The following CKMT2 variants were observed in gnomAD, a reference collection of about 807,000 sequenced individuals.
CKMT2 encodes creatine kinase, mitochondrial 2.
In CKMT2, 43 loss-of-function variants were observed where a neutral mutation model predicts 48.9. That is an observed-to-expected ratio of 0.88 (90% CI 0.69 to 1.13). CKMT2 has a LOEUF of 1.13. CKMT2 is among the 50% of genes most tolerant of loss of function. CKMT2 has a pLI of 0.00. For synonymous variants in CKMT2, 206 were observed against 213.0 expected, an observed-to-expected ratio of 0.97 and a Z score of 0.29; for missense variants, 472 against 555.4, an observed-to-expected ratio of 0.85 and a Z score of 1.51.
Position 81,257,694 on chromosome 5 carries a change from T to A in CKMT2, c.756-39T>A, listed in dbSNP as rs765452194. The A allele has an allele frequency of 2.5e-6, 4 of 1,575,266 alleles. No individual in the cohort carries two copies. The African/African-American group carries it at 4.1e-5, about 16-fold the overall frequency. ...GGGAATTTTCATGTGTTGAAACAAA[T>A]GCAATTAACACTCAGTACCATATTT... On this transcript the variant is annotated intron_variant, in intron 6 of 9. Transcript: ENST00000254035.
intron 1 of CKMT2, among the ~76,000 whole-genome samples, chr5:81,247,180 C>T (rs1281916743): frequency 1.3e-5 from 2 of 152,070 alleles, no homozygotes; most frequent in South Asian, 2.1e-4. Context: ...CAGTTCAGTA[C>T]GTTATGATAA....
At chr5:81,262,238 C>A (rs537581139) in intron 8 of CKMT2, among the ~76,000 whole-genome samples, 1 of 151,910 alleles carries the variant, frequency 6.6e-6, no homozygotes, top group Non-Finnish European at 1.5e-5. Context: ...CCATAAAAAC[C>A]CTAGAAGAAA....
intron 1 of CKMT2, among the ~76,000 whole-genome samples, chr5:81,234,998 C>T (rs2897390): frequency 0.17 from 25,853 of 152,080 alleles, 2,485 homozygotes; most frequent in Admixed American, 0.26. Context: ...CTAACCCTTG[C>T]CAGGAAGCCT....
At chr5:81,246,182 C>T (rs930189233) in intron 1 of CKMT2, among the ~76,000 whole-genome samples, 2 of 151,228 alleles carry the variant, frequency 1.3e-5, no homozygotes, top group African/African-American at 2.4e-5. Context: ...GAGCTCAGCA[C>T]GTCTCCTGCT....
intron 2 of CKMT2, 27 bp downstream of exon 2, chr5:81,251,311 C>G (rs1580445289): frequency 6.2e-7 from 1 of 1,611,616 alleles, no homozygotes; most frequent in East Asian, 2.2e-5. Context: ...TTAAAATAAC[C>G]TCAGGCCAGG....
At chr5:81,263,089 A>G (rs1757277077) in intron 8 of CKMT2, among the ~76,000 whole-genome samples, 2 of 148,726 alleles carry the variant, frequency 1.3e-5, no homozygotes, top group African/African-American at 4.9e-5. Flanking sequence ...AAAACCAAAC[A>G]CTGTATGTTC....
intron 6 of CKMT2, 116 bp from the exon 7 acceptor site, chr5:81,257,617 C>A: frequency 2.4e-6 from 2 of 819,226 alleles, no homozygotes; most frequent in Non-Finnish European, 3.7e-6. Flanking sequence ...GAGATTAGGG[C>A]CATCTAGGAA....
At chr5:81,240,506 T>G (rs1431820119) in intron 1 of CKMT2, among the ~76,000 whole-genome samples, 3 of 152,192 alleles carry the variant, frequency 2.0e-5, no homozygotes, top group South Asian at 2.1e-4. Flanking sequence ...TCCTTTGCAG[T>G]GTGTGACCTG....
chr5:81,249,685 TTTC>T (rs967069328), intron 1 of CKMT2, among the ~76,000 whole-genome samples: 3 of 151,918 alleles, frequency 2.0e-5, no homozygotes, highest in African/African-American at 7.3e-5. Flanking sequence ...TGTCATTTCC[TTTC>T]TTTCTGAAGC....
chr5:81,256,621 T>C (rs1757020941), intron 5 of CKMT2, among the ~76,000 whole-genome samples: 3 of 152,328 alleles, frequency 2.0e-5, no homozygotes, highest in East Asian at 3.9e-4. Flanking sequence ...TCCACAGTGA[T>C]TTCATGAGTT....
At position 81,257,756 on chromosome 5, in the gene CKMT2, T is replaced by C; in HGVS notation, c.779T>C (p.Leu260Pro). 6 of 1,612,418 alleles carry C rather than the reference T, an allele frequency of 3.7e-6. No individual in the cohort carries two copies. The highest frequency in any genetic ancestry group is 5.1e-6 in the Non-Finnish European group (6 of 1,178,650). ...AGGCATAATTATGATAAGACATTTC[T>C]CATCTGGATAAATGAGGAGGATCAC... ...GIWHNYDKTF[L>P]IWINEEDHTR... Residue 260 changes from leucine (L) to proline (P), a missense_variant, in exon 7 of 10, where the codon CTC (leucine) becomes CCC (proline). Transcript: ENST00000254035.
intron 3 of CKMT2, 23 bp from the exon 4 acceptor site, chr5:81,254,373 A>C: frequency 6.2e-7 from 1 of 1,600,640 alleles, no homozygotes; most frequent in Non-Finnish European, 8.6e-7. Context: ...TTAAAGAGGA[A>C]ACACCCATCT....
In CKMT2 at chr5:81,263,610, A is replaced by T; in HGVS notation, c.1134A>T (p.Arg378=). The T allele has an allele frequency of 6.2e-7, 1 of 1,611,232 alleles. No individual in the cohort carries two copies. Among genetic ancestry groups the T allele is most frequent in the Non-Finnish European group, 8.5e-7 (1 of 1,178,196 alleles). The part of the protein sequence containing the change: ...YDISNIDRIG[R]SEVELVQIVI... ...TTTCCAACATAGATAGAATTGGTCG[A>T]TCAGAGGTAACGTCTCTCTCACTTT... The change falls in exon 9 of 10, where the codon CGA becomes CGT. Residue 378 remains arginine, a synonymous_variant. Transcript: ENST00000254035.
chr5:81,259,197 G>A lies in CKMT2; in HGVS notation c.957G>A (p.Ser319=), dbSNP rs369979117. 79 of 1,613,906 alleles carry A rather than the reference G, an allele frequency of 4.9e-5. No individual in the cohort carries two copies. The highest frequency in any genetic ancestry group is 1.6e-4 in the Middle Eastern group (1 of 6,084). Residue 319 remains serine (S), a synonymous_variant, in exon 8 of 10, where the codon TCG becomes TCA. Coordinates refer to ENST00000254035, the MANE Select transcript of CKMT2 (RefSeq NM_001099735.2). The part of the protein sequence containing the change: ...ERLGYILTCP[S]NLGTGLRAGV... ...TAGGATACATTTTGACCTGTCCTTCGAACCTTGGAACAGGACTACGAGCTG... is the reference window on the plus strand; with the variant it reads ...TAGGATACATTTTGACCTGTCCTTCAAACCTTGGAACAGGACTACGAGCTG...
chr5:81,242,267 C>T (rs143171481), intron 1 of CKMT2: 5 of 276,774 alleles, frequency 1.8e-5, no homozygotes, highest in African/African-American at 1.1e-4. Context: ...ATGTGTGTCA[C>T]ATCATATAAG....
chr5:81,243,119 G>A (rs558877984), intron 1 of CKMT2, among the ~76,000 whole-genome samples: 22 of 152,322 alleles, frequency 1.4e-4, no homozygotes, highest in Middle Eastern at 3.4e-3. Flanking sequence ...TGGGTAAGGG[G>A]AGGAGCCCAG....
In CKMT2 at chr5:81,256,752, T is replaced by C. The variant is rs139266942; in HGVS notation, c.670-163T>C. The stretch of plus-strand genomic sequence containing the variant: ...CAACTAGGTCAGAATCTCTGGGCAT[T>C]GTTTGAAGCTCCCAGGTTATTCTAG... On this transcript the variant is annotated intron_variant, in intron 5 of 9. Coordinates refer to ENST00000254035, the MANE Select transcript of CKMT2 (RefSeq NM_001099735.2). Among the ~76,000 whole-genome samples, 454 of 152,318 alleles carry C rather than the reference T, an allele frequency of 3.0e-3. 2 individuals are homozygous for C. Among genetic ancestry groups the C allele is most frequent in the African/African-American group, 1.0e-2 (415 of 41,576 alleles).
intron 1 of CKMT2, among the ~76,000 whole-genome samples, chr5:81,237,221 A>G (rs955054113): frequency 2.0e-5 from 3 of 152,200 alleles, no homozygotes; most frequent in Non-Finnish European, 4.4e-5. Flanking sequence ...GGGCAGGCCG[A>G]GTGCTGGCTG....
At chr5:81,254,700 G>A in intron 4 of CKMT2, 1 of 596,652 alleles carries the variant, frequency 1.7e-6, no homozygotes, top group South Asian at 2.1e-5. Flanking sequence ...ACTAGGGAAG[G>A]GTTGGTCATT....
Sources: gnomAD v4.1 joint callset for allele counts (sites outside exome capture counted in the v4.1 genomes callset) on GRCh38, gnomAD v4.1.1 for gene constraint, MANE v1.5 for transcripts, NCBI Gene and HGNC (gene_info 2026-07-23, HGNC 2026-07-21) for gene names.